Variants in PID1 observed in about 807,000 individuals in gnomAD.
The protein encoded by PID1 is phosphotyrosine interaction domain containing 1, also known as PTB-containing, cubilin and LRP1-interacting protein.
A neutral mutation model predicts 19.1 loss-of-function variants in PID1; 10 were observed. The ratio of observed to expected loss-of-function variants is 0.52; its 90% confidence interval spans 0.32 to 0.89. The LOEUF (loss-of-function observed/expected upper bound fraction) is 0.89, where lower values mean the gene tolerates loss of function less well. PID1 is among the 40% of genes least tolerant of loss of function. The pLI is 0.03. For synonymous variants in PID1, 130 were observed against 116.0 expected, an observed-to-expected ratio of 1.12 and a Z score of -0.78; for missense variants, 248 against 285.3, an observed-to-expected ratio of 0.87 and a Z score of 0.94.
chr2:229,025,640 C>A lies in PID1; in HGVS notation c.646G>T (p.Asp216Tyr). 1 of 1,608,302 alleles carries A rather than the reference C, an allele frequency of 6.2e-7. No individual in the cohort carries two copies. The highest frequency in any genetic ancestry group is 8.5e-7 in the Non-Finnish European group (1 of 1,175,074). Residue 216 changes from aspartate (D) to tyrosine (Y), a missense_variant, in exon 3 of 3, where the codon GAT becomes TAT. Transcript: ENST00000392055. ...AAGCGTCTCAAGTTCATTCAGCCAT[C>A]ATCGGATTCCAATTCCTGGGAAACC... ...EEVSQELESD[D>Y]G
intron 1 of PID1, among the ~76,000 whole-genome samples, chr2:229,187,723 T>A (rs979113988): frequency 6.6e-6 from 1 of 152,198 alleles, no homozygotes; most frequent in East Asian, 1.9e-4. Context: ...AAACAAGCTA[T>A]AATTTCCCCT....
intron 2 of PID1, among the ~76,000 whole-genome samples, chr2:229,051,990 C>G (rs1189244670): frequency 3.3e-5 from 5 of 152,170 alleles, no homozygotes; most frequent in African/African-American, 1.2e-4. Context: ...GTCCCCAGCT[C>G]AACTGAAGAA....
At chr2:229,143,808 A>G (rs7589397) in intron 2 of PID1, among the ~76,000 whole-genome samples, 66,501 of 151,792 alleles carry the variant, frequency 0.44, 14,986 homozygotes, top group South Asian at 0.57. Context: ...TGCTATGTAA[A>G]ATGTGCCTTG....
Position 229,145,466 on chromosome 2 carries a change from C to T in PID1, c.177+10352G>A, listed in dbSNP as rs1400998133. Among the ~76,000 whole-genome samples, 3 of 151,946 alleles carry T rather than the reference C, an allele frequency of 2.0e-5. No homozygotes were observed. In the East Asian group the frequency reaches 5.8e-4, roughly 29 times the overall value. ...CCAGAAAAATATGTGGAATAATTAA[C>T]CTTTTTTCTAGATAAATAAACCATA... On this transcript the variant is annotated intron_variant, in intron 2 of 2. Coordinates refer to ENST00000392055, the MANE Select transcript of PID1 (RefSeq NM_001100818.2).
At chr2:229,174,164 T>C (rs1690766807) in intron 1 of PID1, among the ~76,000 whole-genome samples, 1 of 152,208 alleles carries the variant, frequency 6.6e-6, no homozygotes, top group Non-Finnish European at 1.5e-5. Flanking sequence ...TATTTAAACA[T>C]AGCCAGAAAC....
At chr2:229,054,169 T>A (rs998387165) in intron 2 of PID1, among the ~76,000 whole-genome samples, 6 of 152,022 alleles carry the variant, frequency 3.9e-5, no homozygotes, top group African/African-American at 1.4e-4. Context: ...AGAAAGCAGG[T>A]AATTAAGTGA....
rs572231898 is a variant in PID1 at position 229,068,222 on chromosome 2, A to C, written c.178-42114T>G. 1.2e-4 allele frequency among the ~76,000 whole-genome samples: 19 copies of C among 152,204 alleles called. No individual in the cohort carries two copies. In the South Asian group the frequency reaches 3.9e-3, roughly 32 times the overall value. ...TGAGAAGGGAGCTGTGCTTGAGGGG[A>C]GTTCTGGGGAGGACTCAGTGTGGCT... is the stretch of plus-strand genomic sequence containing the variant. On this transcript the variant is annotated intron_variant, in intron 2 of 2. Transcript: ENST00000392055.
intron 2 of PID1, among the ~76,000 whole-genome samples, chr2:229,034,645 C>G (rs928522684): frequency 5.9e-5 from 9 of 152,142 alleles, no homozygotes; most frequent in African/African-American, 1.9e-4. Flanking sequence ...TCTTCCTGTA[C>G]CCTGGAGACA....
chr2:229,184,113 G>A (rs56245045), intron 1 of PID1, among the ~76,000 whole-genome samples: 1 of 12,514 alleles, frequency 8.0e-5, no homozygotes, highest in African/African-American at 7.7e-4. Context: ...TATCCCATAT[G>A]TATATCCCAT....
intron 1 of PID1, among the ~76,000 whole-genome samples, chr2:229,200,138 C>A (rs11682904): frequency 1.3e-5 from 2 of 151,928 alleles, no homozygotes; most frequent in African/African-American, 2.4e-5. Context: ...CTGCTGCACT[C>A]CCCCGACTCA....
Position 229,078,471 on chromosome 2 carries a change from T to A in PID1, c.178-52363A>T, listed in dbSNP as rs116651821. ...AGTGAGACAGAGCATCCTCACCTTG[T>A]GCGGGTTTTTAAAGGGAATGCTTCC... On this transcript the variant is annotated intron_variant, in intron 2 of 2. Transcript: ENST00000392055. 2.8e-3 allele frequency among the ~76,000 whole-genome samples: 425 copies of A among 152,294 alleles called. 3 individuals are homozygous for A. The highest frequency in any genetic ancestry group is 9.9e-3 in the African/African-American group (411 of 41,566).
At chr2:229,211,254 A>G (rs973550016) in intron 1 of PID1, among the ~76,000 whole-genome samples, 1 of 152,054 alleles carries the variant, frequency 6.6e-6, no homozygotes, top group Non-Finnish European at 1.5e-5. Flanking sequence ...GTTAACACCT[A>G]TTTTGTGCAG....
At chr2:229,105,987 G>A (rs1266548806) in intron 2 of PID1, among the ~76,000 whole-genome samples, 1 of 149,416 alleles carries the variant, frequency 6.7e-6, no homozygotes, top group Non-Finnish European at 1.5e-5. Flanking sequence ...GCTGAGGCAG[G>A]AGAATAGAGT....
chr2:229,242,009 G>GTGTTTT (rs80223945), intron 1 of PID1, among the ~76,000 whole-genome samples: 4,035 of 151,190 alleles, frequency 0.027, 137 homozygotes, highest in African/African-American at 0.082. Context: ...CAGTAAATCA[G>GTGTTTT]TGTTTTTGTT....
intron 2 of PID1, among the ~76,000 whole-genome samples, chr2:229,055,945 G>T (rs1694089340): frequency 6.6e-6 from 1 of 152,200 alleles, no homozygotes; most frequent in Non-Finnish European, 1.5e-5. Context: ...TGAATTGCCT[G>T]TCCAAGTGGA....
At chr2:229,267,107 G>T (rs754390427) in intron 1 of PID1, among the ~76,000 whole-genome samples, 1 of 152,214 alleles carries the variant, frequency 6.6e-6, no homozygotes, top group Non-Finnish European at 1.5e-5. Context: ...ATCCTCAGAG[G>T]AGGACTTTGG....
Position 229,194,721 on chromosome 2 carries a change from T to C in PID1, c.31-38757A>G, listed in dbSNP as rs142116675. On this transcript the variant is annotated intron_variant, in intron 1 of 2. Coordinates refer to ENST00000392055, the MANE Select transcript of PID1 (RefSeq NM_001100818.2). The stretch of plus-strand genomic sequence containing the variant: ...AATGCAATACATATCGGTTAATGTA[T>C]GTGAGTGAGTGTGTGTACACACAGG... 3.8e-4 allele frequency among the ~76,000 whole-genome samples: 58 copies of C among 152,136 alleles called. No homozygotes were observed. In the East Asian group the frequency reaches 0.011, roughly 28 times the overall value.
chr2:229,067,505 C>A (rs1694353929), intron 2 of PID1, among the ~76,000 whole-genome samples: 2 of 152,028 alleles, frequency 1.3e-5, no homozygotes. Context: ...TCCATTGCAG[C>A]TTGTACAATT....
intron 1 of PID1, among the ~76,000 whole-genome samples, chr2:229,266,487 G>C (rs937416392): frequency 6.6e-6 from 1 of 152,200 alleles, no homozygotes; most frequent in Non-Finnish European, 1.5e-5. Flanking sequence ...CACTGCTTCA[G>C]CAAGAAATAG....
Sources: gnomAD v4.1 joint callset for allele counts (sites outside exome capture counted in the v4.1 genomes callset) on GRCh38, gnomAD v4.1.1 for gene constraint, MANE v1.5 for transcripts, NCBI Gene and HGNC (gene_info 2026-07-23, HGNC 2026-07-21) for gene names.